Variants in WWP2 observed in about 807,000 individuals in gnomAD.
The protein encoded by WWP2 is NEDD4-like E3 ubiquitin-protein ligase WWP2.
In WWP2, 57 loss-of-function variants were observed where a neutral mutation model predicts 121.0. The observed-to-expected ratio is 0.47, with a 90% CI of 0.38 to 0.59. The LOEUF (loss-of-function observed/expected upper bound fraction) is 0.59, where lower values mean the gene tolerates loss of function less well. WWP2 is among the 20% of genes least tolerant of loss of function. WWP2 has a pLI of 0.00. For missense variants in WWP2, 962 were observed against 1,158.9 expected, an observed-to-expected ratio of 0.83 and a Z score of 2.47; for synonymous variants, 449 against 441.3, an observed-to-expected ratio of 1.02 and a Z score of -0.22.
At chr16:69,853,889 A>G (rs2057264163) in intron 6 of WWP2, among the ~76,000 whole-genome samples, 2 of 152,226 alleles carry the variant, frequency 1.3e-5, no homozygotes, top group Admixed American at 1.3e-4. Flanking sequence ...TTAAAACCAC[A>G]TCTCCCATGG....
At chr16:69,917,472 G>GGAAC in intron 9 of WWP2, 1 of 436,746 alleles carries the variant, frequency 2.3e-6, no homozygotes, top group Non-Finnish European at 4.1e-6. Context: ...TCTGAGGTTG[G>GGAAC]GAACAGAGTC....
intron 8 of WWP2, 120 bp from the exon 9 acceptor site, chr16:69,908,641 G>A (rs566462088): frequency 1.2e-3 from 1,802 of 1,529,760 alleles, no homozygotes; most frequent in Non-Finnish European, 1.5e-3. Flanking sequence ...GGTCGGCCTC[G>A]CATGTCATCT....
chr16:69,893,699 G>A (rs2058065168), intron 8 of WWP2, among the ~76,000 whole-genome samples: 2 of 151,848 alleles, frequency 1.3e-5, no homozygotes, highest in South Asian at 2.1e-4. Flanking sequence ...GCGCCACCAC[G>A]CCCAGCTAAT....
intron 4 of WWP2, among the ~76,000 whole-genome samples, chr16:69,828,171 A>G (rs1285569293): frequency 2.0e-5 from 3 of 151,958 alleles, no homozygotes; most frequent in Non-Finnish European, 4.4e-5. Context: ...CTGGTTGGTG[A>G]GTCCGTTATG....
intron 2 of WWP2, among the ~76,000 whole-genome samples, chr16:69,797,589 A>C (rs751668879): frequency 3.3e-5 from 5 of 152,120 alleles, no homozygotes; most frequent in South Asian, 2.1e-4. Flanking sequence ...TATTTATTTC[A>C]GTTAAAATTT....
chr16:69,894,328 G>A (rs757953808), intron 8 of WWP2, among the ~76,000 whole-genome samples: 23 of 149,504 alleles, frequency 1.5e-4, no homozygotes, highest in Non-Finnish European at 3.1e-4. Context: ...CGATCTTCCC[G>A]CCTTGGCCTC....
At position 69,935,943 on chromosome 16, in the gene WWP2, G is replaced by C; in HGVS notation, c.1933G>C (p.Glu645Gln). 6.2e-7 allele frequency: 1 copy of C among 1,614,072 alleles called. No homozygotes were observed. The highest frequency in any genetic ancestry group is 8.5e-7 in the Non-Finnish European group (1 of 1,180,014). ...LNKRPTLKDL[E>Q]SIDPEFYNSI... ...TAAGAGACCAACCCTGAAAGACCTG[G>C]AGTCCATTGACCCTGAGTTCTACAA... Residue 645 changes from glutamate to glutamine, a missense_variant, in exon 18 of 24, where the codon GAG (glutamate) becomes CAG (glutamine). Physicochemically the swap from Glu to Gln is conservative, Grantham distance 29 (BLOSUM62 2). This residue lies in a region of WWP2 where 606 missense variants were observed against 772.6 expected (regional missense o/e 0.78). Transcript: ENST00000359154. This position sits in a 1 kb window ranked among gnomAD's most constrained non-coding sequence, Gnocchi z 5.2.
chr16:69,878,342 G>A (rs2151925594), intron 7 of WWP2, among the ~76,000 whole-genome samples: 1 of 152,262 alleles, frequency 6.6e-6, no homozygotes, highest in South Asian at 2.1e-4. Context: ...TGGATGTCAG[G>A]TTGCCACAAG....
rs956221348 is a variant in WWP2 at position 69,833,902 on chromosome 16, C to T, written c.341-6224C>T. ...CTGGCTGATGTGCTCGGTGGGGAGT[C>T]CTGGGGCTTTCTAACTCATGCTAGG... On this transcript the variant is annotated intron_variant, in intron 4 of 23. Transcript: ENST00000359154. Among the ~76,000 whole-genome samples the T allele has an allele frequency of 2.0e-5, 3 of 152,224 alleles. No homozygotes were observed. In the South Asian group the frequency reaches 6.2e-4, roughly 32 times the overall value.
intron 7 of WWP2, among the ~76,000 whole-genome samples, chr16:69,875,949 ATTTTTTAT>A (rs1050866553): frequency 3.3e-5 from 5 of 151,720 alleles, no homozygotes; most frequent in Non-Finnish European, 5.9e-5. Flanking sequence ...GTTTTTATTT[ATTTTTTAT>A]TTTTTTATTT....
At chr16:69,854,731 AGT>A (rs1429709737) in intron 6 of WWP2, among the ~76,000 whole-genome samples, 2 of 151,998 alleles carry the variant, frequency 1.3e-5, no homozygotes, top group Admixed American at 6.6e-5. Flanking sequence ...TTGTATTTTT[AGT>A]AGAGGCGAGG....
At chr16:69,878,668 T>TA (rs2057774891) in intron 7 of WWP2, among the ~76,000 whole-genome samples, 1 of 151,656 alleles carries the variant, frequency 6.6e-6, no homozygotes, top group Admixed American at 6.6e-5. Context: ...AGCCTGTTTT[T>TA]ATACATGGTT....
chr16:69,807,139 C>T (rs1041276930), intron 4 of WWP2, among the ~76,000 whole-genome samples: 1 of 151,922 alleles, frequency 6.6e-6, no homozygotes, highest in Non-Finnish European at 1.5e-5. Context: ...AGTGATTCTC[C>T]TGCCTTAGCC....
chr16:69,903,434 G>A (rs2058235690), intron 8 of WWP2, among the ~76,000 whole-genome samples: 1 of 152,138 alleles, frequency 6.6e-6, no homozygotes, highest in South Asian at 2.1e-4. Context: ...TGTCAAAAGT[G>A]GAGACTGCTG....
intron 10 of WWP2, among the ~76,000 whole-genome samples, chr16:69,922,891 G>A (rs1032476360): frequency 6.8e-5 from 10 of 147,976 alleles, no homozygotes; most frequent in Non-Finnish European, 1.2e-4. Flanking sequence ...TTTTTGCCAC[G>A]ACTCTTTTTT....
At position 69,778,940 on chromosome 16, in the gene WWP2, CGGTT is replaced by C. The variant is rs1488968642; in HGVS notation, c.-15-8055_-15-8052del. 1.8e-4 allele frequency among the ~76,000 whole-genome samples: 6 copies of C among 32,586 alleles called. No homozygotes were observed. The South Asian group carries it at 3.6e-3, about 20-fold the overall frequency. 21.4% of individuals were successfully genotyped at this position (32,586 alleles called of 152,430 possible). A position where few individuals can be genotyped will look rare whatever the true frequency, so the allele number is the denominator to read the frequency against. On this transcript the variant is annotated intron_variant, in intron 1 of 23. Transcript: ENST00000359154. ...ACAGGTGTGAGCTGTCACACCTGGCCGGTTATTTATTTATTTATTTATTTTTTGA... is the reference window on the plus strand; with the variant it reads ...ACAGGTGTGAGCTGTCACACCTGGCCATTTATTTATTTATTTATTTTTTGA...
intron 9 of WWP2, among the ~76,000 whole-genome samples, chr16:69,914,616 G>T (rs1422185173): frequency 6.6e-6 from 1 of 151,982 alleles, no homozygotes; most frequent in Non-Finnish European, 1.5e-5. Context: ...AATTGGCCCC[G>T]CATGGTGGTG....
intron 6 of WWP2, among the ~76,000 whole-genome samples, chr16:69,861,346 A>G (rs1256810566): frequency 1.3e-5 from 2 of 152,224 alleles, no homozygotes; most frequent in Non-Finnish European, 1.5e-5. Flanking sequence ...GTCACCATTT[A>G]CTATACCTTC....
chr16:69,895,753 C>A (rs1296008698), intron 8 of WWP2, among the ~76,000 whole-genome samples: 2 of 152,132 alleles, frequency 1.3e-5, no homozygotes, highest in Admixed American at 6.5e-5. Context: ...GAGTGAGACC[C>A]TGTCTCAGTT....
Sources: gnomAD v4.1 joint callset for allele counts (sites outside exome capture counted in the v4.1 genomes callset) on GRCh38, gnomAD v4.1.1 for gene constraint, gnomAD v4.1.1 regional missense constraint, Gnocchi (gnomAD v3.1) non-coding constraint, MANE v1.5 for transcripts, NCBI Gene and HGNC (gene_info 2026-07-23, HGNC 2026-07-21) for gene names.